Variants in MYCBP2 observed in about 807,000 individuals in gnomAD.
MYCBP2 encodes the protein E3 ubiquitin-protein ligase MYCBP2.
A neutral mutation model predicts 525.3 loss-of-function variants in MYCBP2; 120 were observed. The ratio of observed to expected loss-of-function variants is 0.23; its 90% CI spans 0.20 to 0.27. The LOEUF (loss-of-function observed/expected upper bound fraction) is 0.27, where lower values mean the gene tolerates loss of function less well. Ranked by LOEUF, MYCBP2 falls within the 10% of genes least tolerant of loss-of-function variation. MYCBP2 has a pLI of 1.00. For synonymous variants in MYCBP2, 1,894 were observed against 1,955.8 expected (o/e 0.97, Z 0.83); for missense variants, 4,149 against 5,657.1 (o/e 0.73, Z 8.55).
Position 77,176,613 on chromosome 13 carries a change from C to T in MYCBP2, c.5356G>A (p.Asp1786Asn). 1 of 1,562,998 alleles carries T rather than the reference C, an allele frequency of 6.4e-7. No individual in the cohort carries two copies. The highest frequency in any genetic ancestry group is 8.7e-7 in the Non-Finnish European group (1 of 1,149,806). Residue 1786 changes from aspartate to asparagine, a missense_variant, in exon 36 of 83, where the codon GAT (aspartate) becomes AAT (asparagine). By Grantham distance (23) the Asp-to-Asn change is conservative (BLOSUM62 1). Transcript: ENST00000544440. ...VLVDDSEHAG[D>N]STHSHRWTSL... ...GTCCATCTGTGGGAATGAGTTGAAT[C>T]TCCTGCATGTTCACTCTAAAAAAAA...
intron 48 of MYCBP2, among the ~76,000 whole-genome samples, chr13:77,145,069 A>G (rs1416787061): frequency 6.6e-6 from 1 of 152,174 alleles, no homozygotes; most frequent in Non-Finnish European, 1.5e-5. Flanking sequence ...CTTTGGTATT[A>G]CAACCCCCTC....
chr13:77,326,721 C>A lies in MYCBP2; in HGVS notation c.55G>T (p.Gly19Trp). ...GTGGCGGCTGGGTAGAATCCGTCCC[C>A]GCCGAGCCCCGAGGAGGCGGCGGCG... The part of the protein sequence containing the change: ...SPAAASSGLG[G>W]DGFYPAATFS... Residue 19 changes from glycine (G) to tryptophan (W), a missense_variant, in exon 1 of 83, where the codon GGG becomes TGG. Coordinates refer to ENST00000544440, the MANE Select transcript of MYCBP2 (RefSeq NM_015057.5). The surrounding 1 kb of genome is among the most constrained non-coding windows in gnomAD (Gnocchi z 4.2). 7.1e-7 allele frequency: 1 copy of A among 1,411,624 alleles called. No homozygotes were observed. Among genetic ancestry groups the A allele is most frequent in the Non-Finnish European group, 9.1e-7 (1 of 1,095,762 alleles). 87.4% of individuals were successfully genotyped at this position (1,411,624 alleles called of 1,614,324 possible).
At chr13:77,068,408 T>TAAAAAAAAAAAAAAAAAAAAAAAAAAA (rs57296816) in intron 70 of MYCBP2, among the ~76,000 whole-genome samples, 157 bp downstream of exon 70, 4 of 145,984 alleles carry the variant, frequency 2.7e-5, no homozygotes, top group African/African-American at 1.0e-4. Flanking sequence ...CTATAAACAG[T>TAAAAAAAAAAAAAAAAAAAAAAAAAAA]AAAAAAGGGA....
At chr13:77,156,259 C>A (rs1340554773) in intron 45 of MYCBP2, 57 bp from the exon 46 acceptor site, 2 of 1,483,644 alleles carry the variant, frequency 1.3e-6, no homozygotes, top group East Asian at 2.3e-5. Flanking sequence ...GCATCTTCAA[C>A]AATTAATATA....
intron 15 of MYCBP2, among the ~76,000 whole-genome samples, chr13:77,250,228 A>C (rs2070949932): frequency 6.6e-6 from 1 of 152,036 alleles, no homozygotes; most frequent in South Asian, 2.1e-4. Flanking sequence ...GTCTCAAAAA[A>C]AAAAAAAAAA....
chr13:77,226,860 G>A (rs1156667090), intron 18 of MYCBP2, among the ~76,000 whole-genome samples: 1 of 152,072 alleles, frequency 6.6e-6, no homozygotes, highest in East Asian at 1.9e-4. Context: ...GTGGCTTACT[G>A]GAAACGTCTT....
chr13:77,060,449 C>T (rs1027407525), intron 76 of MYCBP2, among the ~76,000 whole-genome samples: 2 of 152,142 alleles, frequency 1.3e-5, no homozygotes, highest in Admixed American at 6.5e-5. Context: ...TAAATTGATT[C>T]GGATTTACAC....
intron 26 of MYCBP2, among the ~76,000 whole-genome samples, chr13:77,196,665 A>C (rs1233197760): frequency 1.3e-5 from 2 of 152,230 alleles, no homozygotes; most frequent in Non-Finnish European, 2.9e-5. Flanking sequence ...AGAAGAATGA[A>C]GTTAACTCCA....
Position 77,068,762 on chromosome 13 carries a change from T to C in MYCBP2, c.11974A>G (p.Ile3992Val). 1 of 1,614,208 alleles carries C rather than the reference T, an allele frequency of 6.2e-7. No individual in the cohort carries two copies. The highest frequency in any genetic ancestry group is 8.5e-7 in the Non-Finnish European group (1 of 1,180,026). ...GAATTGGCATTTTCTTTGCTTGATA[T>C]AGCATGTTCCCATTCTTCACGGACT... ...TRVREEWEHA[I>V]SSKENANSQP... is the part of the protein sequence containing the mutation. Residue 3992 changes from isoleucine (I) to valine (V), a missense_variant, in exon 70 of 83, where the codon ATA (isoleucine) becomes GTA (valine). Physicochemically the swap from Ile to Val is conservative, Grantham distance 29 (BLOSUM62 3). Transcript: ENST00000544440.
chr13:77,276,739 C>T (rs1389105653), intron 4 of MYCBP2, among the ~76,000 whole-genome samples: 4 of 151,190 alleles, frequency 2.6e-5, no homozygotes, highest in Non-Finnish European at 2.9e-5. Flanking sequence ...TGATCACAGC[C>T]GACTGTAGCC....
Position 77,087,503 on chromosome 13 carries a change from C to T in MYCBP2, c.10856G>A (p.Ser3619Asn), listed in dbSNP as rs1433713307. The T allele has an allele frequency of 2.5e-6, 4 of 1,610,934 alleles. No homozygotes were observed. In the African/African-American group the frequency reaches 5.3e-5, roughly 22 times the overall value. ...EEEEDEENKT[S>N]KENSEQEKDT... is the part of the protein sequence containing the mutation. ...ATTTACTTGTTCTGAATTTTCTTTG[C>T]TTGTTTTATTTTCTTCATCCTCTTC... The change falls in exon 62 of 83, where the codon AGC becomes AAC. Residue 3619 changes from serine to asparagine, a missense_variant. By Grantham distance (46) the Ser-to-Asn change is conservative. Around this residue, in one of 21 missense-constraint regions of MYCBP2, gnomAD observed 509 missense variants for 789.4 expected, o/e 0.64. Coordinates refer to ENST00000544440, the MANE Select transcript of MYCBP2 (RefSeq NM_015057.5).
At chr13:77,319,603 T>G (rs2081354390) in intron 1 of MYCBP2, among the ~76,000 whole-genome samples, 1 of 152,190 alleles carries the variant, frequency 6.6e-6, no homozygotes, top group Non-Finnish European at 1.5e-5. Flanking sequence ...ATCAATGTTA[T>G]TTACCAAAAG....
chr13:77,186,266 G>A (rs2060704919), intron 30 of MYCBP2, among the ~76,000 whole-genome samples: 1 of 151,914 alleles, frequency 6.6e-6, no homozygotes, highest in Non-Finnish European at 1.5e-5. Context: ...TTTGAAGTTT[G>A]TTACAAAAAA....
At chr13:77,111,031 G>T (rs951403355) in intron 55 of MYCBP2, among the ~76,000 whole-genome samples, 1 of 152,122 alleles carries the variant, frequency 6.6e-6, no homozygotes, top group Non-Finnish European at 1.5e-5. Flanking sequence ...TACAAAAAAT[G>T]AACGTTTTGT....
At position 77,068,703 on chromosome 13, in the gene MYCBP2, G is replaced by A. The variant is rs562604849; in HGVS notation, c.12033C>T (p.Ala4011=). ...CCATAGAGAGCAGCTCAAAGCAGTA[G>A]GCATCAGAGGAGGCATCTTCATCAT... ...QPNDEDASSD[A]YCFELLSMVL... The change falls in exon 70 of 83, where the codon GCC becomes GCT. Residue 4011 remains alanine, a synonymous_variant. Coordinates refer to ENST00000544440, the MANE Select transcript of MYCBP2 (RefSeq NM_015057.5). 1.4e-5 allele frequency: 22 copies of A among 1,614,130 alleles called. No individual in the cohort carries two copies. In the East Asian group the frequency reaches 4.7e-4, roughly 34 times the overall value.
rs760435335 is a variant in MYCBP2, at chr13:77,058,450, C to A, written c.13141-44G>T. 8 of 1,462,342 alleles carry A rather than the reference C, an allele frequency of 5.5e-6. No homozygotes were observed. Among genetic ancestry groups the A allele is most frequent in the Non-Finnish European group, 7.3e-6 (8 of 1,094,234 alleles). 90.6% of individuals were successfully genotyped at this position (1,462,342 alleles called of 1,614,324 possible). A position where few individuals can be genotyped will look rare whatever the true frequency, so the allele number is the denominator to read the frequency against. ...AATGTTACACAAGTATGTAAAAAAG[C>A]ACACATTCTGGTAATTTTCCTTATT... On this transcript the variant is annotated intron_variant, in intron 77 of 82. Coordinates refer to ENST00000544440, the MANE Select transcript of MYCBP2 (RefSeq NM_015057.5). The surrounding 1 kb of genome is among the most constrained non-coding windows in gnomAD (Gnocchi z 4.1).
chr13:77,197,964 A>G (rs1273014390), intron 26 of MYCBP2, among the ~76,000 whole-genome samples: 1 of 152,186 alleles, frequency 6.6e-6, no homozygotes, highest in Non-Finnish European at 1.5e-5. Flanking sequence ...CCATAATTCT[A>G]TATACTACAG....
rs368301696 is a variant in MYCBP2 at position 77,185,219 on chromosome 13, G to A, written c.4603C>T (p.Leu1535=). The change falls in exon 32 of 83, where the codon CTA becomes TTA. Residue 1535 remains leucine, a synonymous_variant. Coordinates refer to ENST00000544440, the MANE Select transcript of MYCBP2 (RefSeq NM_015057.5). ...TGACATTCCTGAAGGACAGCTTCTA[G>A]AAGACTCAAGGGTTGACTGAGATAT... ...QGYLSQPLSL[L]EAVLQECHNT... 1 of 1,614,020 alleles carries A rather than the reference G, an allele frequency of 6.2e-7. No homozygotes were observed. The highest frequency in any genetic ancestry group is 1.3e-5 in the African/African-American group (1 of 74,926).
intron 24 of MYCBP2, 63 bp from the exon 25 acceptor site, chr13:77,205,661 C>T (rs1394996571): frequency 1.4e-6 from 2 of 1,418,238 alleles, no homozygotes; most frequent in Non-Finnish European, 1.9e-6. Flanking sequence ...GTATTGATGA[C>T]ATTAAATGCT....
Sources: gnomAD v4.1 joint callset for allele counts (sites outside exome capture counted in the v4.1 genomes callset) on GRCh38, gnomAD v4.1.1 for gene constraint, gnomAD v4.1.1 regional missense constraint, Gnocchi (gnomAD v3.1) non-coding constraint, MANE v1.5 for transcripts, NCBI Gene and HGNC (gene_info 2026-07-23, HGNC 2026-07-21) for gene names.